The following CTNND2 variants were observed in gnomAD, a reference collection of about 807,000 sequenced individuals.
CTNND2 encodes catenin delta-2.
A neutral mutation model predicts 144.4 loss-of-function variants in CTNND2; 22 were observed. The ratio of observed to expected loss-of-function variants is 0.15; its 90% confidence interval spans 0.11 to 0.22. The LOEUF (loss-of-function observed/expected upper bound fraction) is 0.22. CTNND2 is among the 10% of genes least tolerant of loss of function. The pLI is 1.00. For missense variants in CTNND2, 1,353 were observed against 1,618.8 expected (o/e 0.84, Z 2.82); for synonymous variants, 751 against 695.6 (o/e 1.08, Z -1.25).
At chr5:11,730,237 T>G (rs1787301796) in intron 2 of CTNND2, among the ~76,000 whole-genome samples, 1 of 152,192 alleles carries the variant, frequency 6.6e-6, no homozygotes, top group African/African-American at 2.4e-5. Flanking sequence ...TACCTTTAGT[T>G]TACAAAGCTC....
chr5:11,648,097 T>C (rs917938218), intron 2 of CTNND2, among the ~76,000 whole-genome samples: 1 of 152,080 alleles, frequency 6.6e-6, no homozygotes, highest in Non-Finnish European at 1.5e-5. Context: ...TTAGCACATA[T>C]AATTTCTTAT....
At chr5:11,209,072 A>C (rs998766158) in intron 10 of CTNND2, among the ~76,000 whole-genome samples, 3 of 152,220 alleles carry the variant, frequency 2.0e-5, no homozygotes, top group Non-Finnish European at 4.4e-5. Flanking sequence ...TAATAAGTAT[A>C]AAGAAATGCT....
chr5:11,557,883 C>T (rs1337002335), intron 3 of CTNND2, among the ~76,000 whole-genome samples: 1 of 152,204 alleles, frequency 6.6e-6, no homozygotes, highest in Non-Finnish European at 1.5e-5. Flanking sequence ...AAGAGACATA[C>T]ACATTTGGAA....
chr5:11,668,712 G>A (rs1232515478), intron 2 of CTNND2, among the ~76,000 whole-genome samples: 3 of 152,164 alleles, frequency 2.0e-5, no homozygotes, highest in East Asian at 1.9e-4. Flanking sequence ...ATCTGCAAAC[G>A]GGGACAATAT....
chr5:11,586,618 A>C (rs1244004788), intron 2 of CTNND2, among the ~76,000 whole-genome samples: 1 of 152,240 alleles, frequency 6.6e-6, no homozygotes, highest in Non-Finnish European at 1.5e-5. Flanking sequence ...TCATCACATA[A>C]GAGTTGAACC....
At position 11,323,287 on chromosome 5, in the gene CTNND2, T is replaced by C. The variant is rs73057806; in HGVS notation, c.1628+23085A>G. 6.0e-3 allele frequency among the ~76,000 whole-genome samples: 900 copies of C among 149,292 alleles called. 7 individuals carry two copies. Among genetic ancestry groups the C allele is most frequent in the African/African-American group, 0.021 (862 of 40,660 alleles). Reference sequence around the variant, plus strand: ...CTGGTCTTGAACTCCCAGCCTCAAATAATCTTCCTGCCTTAGCCTCCTGAG... The same window carrying C: ...CTGGTCTTGAACTCCCAGCCTCAAACAATCTTCCTGCCTTAGCCTCCTGAG... On this transcript the variant is annotated intron_variant, in intron 9 of 21. Coordinates refer to ENST00000304623, the MANE Select transcript of CTNND2 (RefSeq NM_001332.4).
At chr5:11,383,930 A>G (rs1467553087) in intron 7 of CTNND2, among the ~76,000 whole-genome samples, 2 of 152,154 alleles carry the variant, frequency 1.3e-5, no homozygotes, top group Non-Finnish European at 2.9e-5. Context: ...GACCACAGAA[A>G]TGTCACCTCC....
intron 9 of CTNND2, among the ~76,000 whole-genome samples, chr5:11,242,395 A>G (rs1318133927): frequency 6.6e-6 from 1 of 152,224 alleles, no homozygotes; most frequent in Non-Finnish European, 1.5e-5. Flanking sequence ...CCATAAAACT[A>G]TGTTGCCTGC....
intron 16 of CTNND2, among the ~76,000 whole-genome samples, chr5:11,026,987 T>A (rs545977350): frequency 6.6e-6 from 1 of 152,314 alleles, no homozygotes; most frequent in South Asian, 2.1e-4. Flanking sequence ...ATGTTATTTT[T>A]CCACACAAAG....
chr5:11,632,539 G>A (rs922299617), intron 2 of CTNND2, among the ~76,000 whole-genome samples: 7 of 152,146 alleles, frequency 4.6e-5, no homozygotes, highest in African/African-American at 1.7e-4. Context: ...TATCTAAAAT[G>A]TGCAGCTTTC....
intron 2 of CTNND2, among the ~76,000 whole-genome samples, chr5:11,640,582 A>G (rs7721305): frequency 0.059 from 8,949 of 152,260 alleles, 539 homozygotes; most frequent in East Asian, 0.18. Context: ...CTGGTGTCAC[A>G]CATACCTAGG....
intron 1 of CTNND2, among the ~76,000 whole-genome samples, chr5:11,810,737 T>C (rs1371189994): frequency 2.0e-5 from 3 of 152,216 alleles, no homozygotes; most frequent in African/African-American, 2.4e-5. Flanking sequence ...AGGTATGCTA[T>C]TGATTAAAAT....
At chr5:11,285,099 C>G (rs1324303906) in intron 9 of CTNND2, among the ~76,000 whole-genome samples, 1 of 152,174 alleles carries the variant, frequency 6.6e-6, no homozygotes, top group Non-Finnish European at 1.5e-5. Flanking sequence ...CCTTTGATAT[C>G]TGATTCCCCT....
chr5:11,072,276 A>C (rs949715879), intron 16 of CTNND2, among the ~76,000 whole-genome samples: 7 of 152,256 alleles, frequency 4.6e-5, no homozygotes, highest in Non-Finnish European at 2.9e-5. Flanking sequence ...AACACACTGC[A>C]CATTAACATA....
chr5:11,527,030 T>C (rs531596677), intron 3 of CTNND2, among the ~76,000 whole-genome samples: 231 of 151,640 alleles, frequency 1.5e-3, no homozygotes, highest in African/African-American at 5.4e-3. Flanking sequence ...GTACCTAGAG[T>C]AGGCAAATTC....
intron 9 of CTNND2, among the ~76,000 whole-genome samples, chr5:11,299,766 C>T (rs1244961342): frequency 6.6e-6 from 1 of 152,140 alleles, no homozygotes; most frequent in South Asian, 2.1e-4. Context: ...TAACAGGATG[C>T]TGGGAGCCTG....
chr5:10,990,317 G>T (rs1738526657), intron 19 of CTNND2, among the ~76,000 whole-genome samples: 1 of 152,206 alleles, frequency 6.6e-6, no homozygotes, highest in Admixed American at 6.5e-5. Context: ...GAAGATTGGG[G>T]TTCTGTTGCT....
At chr5:11,827,125 T>G (rs929502978) in intron 1 of CTNND2, among the ~76,000 whole-genome samples, 1 of 151,966 alleles carries the variant, frequency 6.6e-6, no homozygotes, top group Non-Finnish European at 1.5e-5. Flanking sequence ...AACAAAACAT[T>G]CCCTCTAAAC....
At chr5:11,206,955 G>T (rs1738110167) in intron 10 of CTNND2, among the ~76,000 whole-genome samples, 1 of 152,126 alleles carries the variant, frequency 6.6e-6, no homozygotes, top group Non-Finnish European at 1.5e-5. Flanking sequence ...CATACAATCT[G>T]TTCAAGCAGA....
Sources: allele counts gnomAD v4.1 joint callset (sites outside exome capture counted in the v4.1 genomes callset), GRCh38; gene constraint gnomAD v4.1.1; transcripts MANE v1.5; gene names NCBI Gene and HGNC (gene_info 2026-07-23, HGNC 2026-07-21).